ASAH1: variants seen among roughly 807,000 people sequenced by gnomAD.
ASAH1 encodes the protein N-acylsphingosine amidohydrolase 1, also known as acid ceramidase.
ASAH1 carries 70 observed loss-of-function variants against 59.5 expected under a neutral mutation model. The observed-to-expected ratio is 1.18, with a 90% confidence interval of 0.97 to 1.43. The LOEUF (loss-of-function observed/expected upper bound fraction) is 1.43, where lower values mean the gene tolerates loss of function less well. Ranked by LOEUF, ASAH1 falls within the 40% of genes most tolerant of loss-of-function variation. The pLI, the probability that ASAH1 is intolerant of heterozygous loss-of-function variation, is 0.00. For missense variants in ASAH1, 660 were observed against 482.5 expected, an observed-to-expected ratio of 1.37 and a Z score of -3.45; for synonymous variants, 213 against 166.5, an observed-to-expected ratio of 1.28 and a Z score of -2.15.
Position 18,064,457 on chromosome 8 carries a change from CT to C in ASAH1, c.456del (p.Gly153ValfsTer3). On this transcript the variant is annotated frameshift_variant and splice_region_variant, in exon 6 of 14. Coordinates refer to ENST00000637790, the MANE Select transcript of ASAH1 (RefSeq NM_177924.5). LOFTEE classifies it high-confidence loss of function. ...ICTSIVAEDK[K>X]GHLIHGRNMD... ...CCACCCTCCCTCAGCGCACAATTAC[CT>C]TTTTTGTCTTCTGCTACTATTGAAG... 3.8e-6 allele frequency: 6 copies of C among 1,559,760 alleles called. No homozygotes were observed. Among genetic ancestry groups the C allele is most frequent in the Non-Finnish European group, 5.3e-6 (6 of 1,132,498 alleles).
intron 4 of ASAH1, chr8:18,068,115 G>A (rs1017538161): frequency 6.6e-6 from 1 of 152,156 alleles, no homozygotes; most frequent in Admixed American, 6.5e-5. Flanking sequence ...CAAGCACTAT[G>A]CTTTATACAC....
chr8:18,059,297 T>C, intron 12 of ASAH1, 44 bp downstream of exon 12: 1 of 1,613,770 alleles, frequency 6.2e-7, no homozygotes, highest in Admixed American at 1.7e-5. Context: ...AAGGGAATCT[T>C]TAATGGCAAC....
intron 1 of ASAH1, among the ~76,000 whole-genome samples, chr8:18,080,920 C>T (rs1321647883): frequency 6.6e-6 from 1 of 152,156 alleles, no homozygotes; most frequent in Non-Finnish European, 1.5e-5. Context: ...AGTTACTTAG[C>T]CTTTGCCTAG....
At position 18,084,047 on chromosome 8, in the gene ASAH1, C is replaced by A. The variant is rs968622176; in HGVS notation, c.12G>T (p.Arg4=). The A allele has an allele frequency of 6.3e-7, 1 of 1,598,618 alleles. No individual in the cohort carries two copies. Among genetic ancestry groups the A allele is most frequent in the South Asian group, 1.1e-5 (1 of 91,084 alleles). The part of the protein sequence containing the change: MPG[R]SCVALVLLAA... Reference sequence around the variant, plus strand: ...CCAGGAGGACTAAGGCGACGCAACTCCGGCCCGGCATCGCTCTAGCAGCCA... The same window carrying A: ...CCAGGAGGACTAAGGCGACGCAACTACGGCCCGGCATCGCTCTAGCAGCCA... The change falls in exon 1 of 14, where the codon CGG becomes CGT. Residue 4 remains arginine, a synonymous_variant. Coordinates refer to ENST00000637790, the MANE Select transcript of ASAH1 (RefSeq NM_177924.5).
chr8:18,064,719 A>C lies in ASAH1; in HGVS notation c.383-188T>G, dbSNP rs1376766492. The stretch of plus-strand genomic sequence containing the variant: ...GACTCTCTAGACTCAAGATGAAACA[A>C]GTCACCAAGGAGGCAGCCTTCGGGC... On this transcript the variant is annotated intron_variant, in intron 5 of 13. Coordinates refer to ENST00000637790, the MANE Select transcript of ASAH1 (RefSeq NM_177924.5). The C allele has an allele frequency of 8.9e-6, 5 of 561,462 alleles. No homozygotes were observed. In the East Asian group the frequency reaches 1.4e-4, roughly 16 times the overall value. 34.8% of individuals were successfully genotyped at this position (561,462 alleles called of 1,614,324 possible).
At position 18,059,219 on chromosome 8, in the gene ASAH1, G is replaced by C. The variant is rs200253246; in HGVS notation, c.1041+122C>G. On this transcript the variant is annotated intron_variant, in intron 12 of 13. Coordinates refer to ENST00000637790, the MANE Select transcript of ASAH1 (RefSeq NM_177924.5). Reference sequence around the variant, plus strand: ...CGAAACAAAAAAATCAGTGGAGAGTGGCTAGAGATACTATGAAAAATAGGA... The same window carrying C: ...CGAAACAAAAAAATCAGTGGAGAGTCGCTAGAGATACTATGAAAAATAGGA... 3.4e-6 allele frequency: 5 copies of C among 1,477,854 alleles called. No individual in the cohort carries two copies. The African/African-American group carries it at 6.9e-5, about 21-fold the overall frequency. 91.5% of individuals were successfully genotyped at this position (1,477,854 alleles called of 1,614,324 possible).
chr8:18,068,878 C>T (rs946867025), intron 4 of ASAH1, among the ~76,000 whole-genome samples: 5 of 152,190 alleles, frequency 3.3e-5, no homozygotes, highest in African/African-American at 9.7e-5. Flanking sequence ...ACGATCCCAA[C>T]ACTTTGGGAG....
chr8:18,073,577 A>G (rs1435989644), intron 2 of ASAH1, among the ~76,000 whole-genome samples: 1 of 152,198 alleles, frequency 6.6e-6, no homozygotes, highest in East Asian at 1.9e-4. Context: ...TGGGACTCAG[A>G]TGGACTCAGG....
At chr8:18,072,188 A>G (rs909856682) in intron 2 of ASAH1, among the ~76,000 whole-genome samples, 5 of 152,184 alleles carry the variant, frequency 3.3e-5, no homozygotes, top group South Asian at 2.1e-4. Flanking sequence ...AGGGTGTGCC[A>G]GTTAGTGGTT....
chr8:18,075,901 C>G, intron 1 of ASAH1: 1 of 401,638 alleles, frequency 2.5e-6, no homozygotes, highest in South Asian at 2.2e-5. Context: ...GAGAGGCTGA[C>G]TTAGCACTAA....
At chr8:18,068,852 A>G (rs964348332) in intron 4 of ASAH1, among the ~76,000 whole-genome samples, 1 of 152,202 alleles carries the variant, frequency 6.6e-6, no homozygotes, top group Non-Finnish European at 1.5e-5. Flanking sequence ...CAGGCCGGGC[A>G]TGGCGGTTCA....
At chr8:18,080,395 G>C (rs1417938839) in intron 1 of ASAH1, among the ~76,000 whole-genome samples, 1 of 152,044 alleles carries the variant, frequency 6.6e-6, no homozygotes, top group Non-Finnish European at 1.5e-5. Context: ...ATCACACTTA[G>C]CCTACCGCAA....
At position 18,057,362 on chromosome 8, in the gene ASAH1, G is replaced by T. The variant is rs566680024; in HGVS notation, c.*172C>A. 6.3e-5 allele frequency: 26 copies of T among 412,598 alleles called. No individual in the cohort carries two copies. Among genetic ancestry groups the T allele is most frequent in the African/African-American group, 5.2e-4 (25 of 47,990 alleles). 25.6% of individuals were successfully genotyped at this position (412,598 alleles called of 1,614,324 possible). A position where few individuals can be genotyped will look rare whatever the true frequency, so the allele number is the denominator to read the frequency against. On this transcript the variant is annotated 3_prime_UTR_variant, in exon 14 of 14. Coordinates refer to ENST00000637790, the MANE Select transcript of ASAH1 (RefSeq NM_177924.5). Reference sequence around the variant, plus strand: ...AATAAGAAAAATCAACTGATAGGGGGAAAAAAAAAAGATCTGTCATTTGTC... The same window carrying T: ...AATAAGAAAAATCAACTGATAGGGGTAAAAAAAAAAGATCTGTCATTTGTC...
At chr8:18,069,650 C>A (rs1800074122) in intron 4 of ASAH1, 142 bp downstream of exon 4, 2 of 619,302 alleles carry the variant, frequency 3.2e-6, no homozygotes, top group Non-Finnish European at 5.7e-6. Context: ...AAATTTAAGT[C>A]CCTCTGAAGT....
rs948158374 is a variant in ASAH1, at chr8:18,078,994, G to T, written c.79-3407C>A. ...TATTTCAATGCATTTGAAACTCTCT[G>T]GGCCAGGCATGGTGGCTCATGCCTG... On this transcript the variant is annotated intron_variant, in intron 1 of 13. Transcript: ENST00000637790. Among the ~76,000 whole-genome samples the T allele has an allele frequency of 4.6e-5, 7 of 152,134 alleles. No homozygotes were observed. In the South Asian group the frequency reaches 1.0e-3, roughly 23 times the overall value.
intron 8 of ASAH1, 33 bp downstream of exon 8, chr8:18,062,246 A>C (rs778830228): frequency 6.2e-7 from 1 of 1,613,600 alleles, no homozygotes; most frequent in Non-Finnish European, 8.5e-7. Context: ...ACAGAAGGCT[A>C]CCTGTATAAT....
intron 4 of ASAH1, chr8:18,069,531 C>G: frequency 2.6e-6 from 1 of 388,596 alleles, no homozygotes; most frequent in Non-Finnish European, 4.8e-6. Context: ...AAGGAAATAC[C>G]ACACTCCCAG....
Position 18,057,476 on chromosome 8 carries a change from C to A in ASAH1, c.*58G>T. On this transcript the variant is annotated 3_prime_UTR_variant, in exon 14 of 14. Transcript: ENST00000637790. ...AGGTCAGACAGCTGCAGTGTTCGGT[C>A]ACATGGAGATGGTGTCTTCATGTCT... 3 of 1,361,896 alleles carry A rather than the reference C, an allele frequency of 2.2e-6. No homozygotes were observed. The South Asian group carries it at 3.5e-5, about 16-fold the overall frequency. The allele number at this position is 1,361,896 out of a possible 1,614,324, so 84.4% of individuals were successfully genotyped here. A position where few individuals can be genotyped will look rare whatever the true frequency, so the allele number is the denominator to read the frequency against.
At chr8:18,074,759 G>C (rs1800323211) in intron 2 of ASAH1, among the ~76,000 whole-genome samples, 1 of 152,158 alleles carries the variant, frequency 6.6e-6, no homozygotes, top group African/African-American at 2.4e-5. Context: ...TCATGACATT[G>C]GTCCTCCTCT....
Sources: gnomAD v4.1 joint callset for allele counts (sites outside exome capture counted in the v4.1 genomes callset) on GRCh38, gnomAD v4.1.1 for gene constraint, MANE v1.5 for transcripts, NCBI Gene and HGNC (gene_info 2026-07-23, HGNC 2026-07-21) for gene names.